The following EYS variants were observed in gnomAD, a reference collection of about 807,000 sequenced individuals.
EYS encodes the protein EGF-like photoreceptor maintenance factor, also known as protein eyes shut homolog.
In EYS, 250 loss-of-function variants were observed where a neutral mutation model predicts 282.1. That is an observed-to-expected ratio of 0.89 (90% CI 0.80 to 0.98). The LOEUF (loss-of-function observed/expected upper bound fraction) is 0.98, where lower values mean the gene tolerates loss of function less well. Ranked by LOEUF, EYS falls within the 50% of genes least tolerant of loss-of-function variation. The probability of loss-of-function intolerance (pLI) is 0.00; values close to 1 mark genes in which losing one functional copy is unlikely to be tolerated. For synonymous variants in EYS, 1,355 were observed against 1,282.9 expected (o/e 1.06, Z -1.20); for missense variants, 4,016 against 3,709.0 (o/e 1.08, Z -2.15).
chr6:64,739,982 A>G (rs988127444), intron 22 of EYS, among the ~76,000 whole-genome samples: 9 of 152,082 alleles, frequency 5.9e-5, no homozygotes, highest in Non-Finnish European at 2.9e-5. Context: ...AATATAAGAA[A>G]CTCTTAGAAC....
chr6:64,593,066 C>A, intron 25 of EYS, 51 bp downstream of exon 25: 2 of 1,336,320 alleles, frequency 1.5e-6, no homozygotes, highest in Non-Finnish European at 9.9e-7. Flanking sequence ...GCTTTTACCA[C>A]ACAACTTTTT....
At chr6:65,049,907 T>C (rs969623790) in intron 13 of EYS, among the ~76,000 whole-genome samples, 2 of 151,656 alleles carry the variant, frequency 1.3e-5, no homozygotes, top group African/African-American at 4.8e-5. Context: ...GATAAAACCA[T>C]ATAATATGTT....
chr6:64,646,791 C>G (rs1185327978), intron 22 of EYS, among the ~76,000 whole-genome samples: 1 of 147,928 alleles, frequency 6.8e-6, no homozygotes, highest in African/African-American at 2.5e-5. Flanking sequence ...GGCGACAGAG[C>G]GAGACTCCAG....
At chr6:64,151,833 C>G (rs756156809) in intron 31 of EYS, among the ~76,000 whole-genome samples, 4 of 152,034 alleles carry the variant, frequency 2.6e-5, no homozygotes, top group Non-Finnish European at 5.9e-5. Flanking sequence ...TATATATTGT[C>G]TTATTTGAAT....
At chr6:65,261,292 A>AAT (rs1305305110) in intron 12 of EYS, among the ~76,000 whole-genome samples, 3 of 151,870 alleles carry the variant, frequency 2.0e-5, no homozygotes, top group South Asian at 4.2e-4. Flanking sequence ...CATTCACATG[A>AAT]ATATATATAT....
chr6:65,291,476 T>A (rs1768524003), intron 12 of EYS, among the ~76,000 whole-genome samples: 3 of 151,534 alleles, frequency 2.0e-5, no homozygotes. Context: ...CCATAAAAAG[T>A]GAGGTTGTAT....
rs946422908 is a variant in EYS at position 64,533,064 on chromosome 6, T to A, written c.5644+57159A>T. ...AGACAAGCTAGAAACTTAAAACAAT[T>A]CATATTAGAAATGAAGAATGTATTT... On this transcript the variant is annotated intron_variant, in intron 26 of 42. Transcript: ENST00000503581. Among the ~76,000 whole-genome samples, 3 of 152,178 alleles carry A rather than the reference T, an allele frequency of 2.0e-5. No individual in the cohort carries two copies. In the East Asian group the frequency reaches 5.8e-4, roughly 29 times the overall value.
chr6:64,319,026 T>C (rs1181692803), intron 29 of EYS, among the ~76,000 whole-genome samples: 1 of 151,948 alleles, frequency 6.6e-6, no homozygotes, highest in African/African-American at 2.4e-5. Flanking sequence ...TCTAATTATA[T>C]TTTTGTGCGT....
At position 64,945,837 on chromosome 6, in the gene EYS, A is replaced by G. The variant is rs1240951764; in HGVS notation, c.2337T>C (p.Pro779=). 7 of 1,549,950 alleles carry G rather than the reference A, an allele frequency of 4.5e-6. No individual in the cohort carries two copies. Among genetic ancestry groups the G allele is most frequent in the Non-Finnish European group, 5.2e-6 (6 of 1,145,934 alleles). ...EQESNECKMN[P]CKNNSTCTDL... is the part of the protein sequence containing the mutation. ...CAGTACAGGTGGAATTGTTCTTGCA[A>G]GGATTCATTTTACACTCATTGGATT... Residue 779 remains proline (P), a synonymous_variant, in exon 15 of 43, where the codon CCT becomes CCC. Coordinates refer to ENST00000503581, the MANE Select transcript of EYS (RefSeq NM_001142800.2).
intron 22 of EYS, among the ~76,000 whole-genome samples, chr6:64,690,831 G>T (rs1332494108): frequency 6.6e-6 from 1 of 152,012 alleles, no homozygotes; most frequent in Non-Finnish European, 1.5e-5. Context: ...GCCTGTCCTG[G>T]GGTGGGGGGA....
At chr6:65,204,384 A>T (rs1765975271) in intron 12 of EYS, among the ~76,000 whole-genome samples, 1 of 150,618 alleles carries the variant, frequency 6.6e-6, no homozygotes, top group African/African-American at 2.5e-5. Flanking sequence ...CCAGAGATTG[A>T]GGCCCTATTT....
intron 5 of EYS, among the ~76,000 whole-genome samples, chr6:65,471,124 A>G (rs1331698531): frequency 1.3e-5 from 2 of 151,684 alleles, no homozygotes; most frequent in African/African-American, 4.8e-5. Flanking sequence ...GTGACAGAGC[A>G]CGACGCCGTC....
chr6:64,609,983 T>A (rs1433733011), intron 24 of EYS, among the ~76,000 whole-genome samples: 6 of 151,908 alleles, frequency 3.9e-5, no homozygotes, highest in African/African-American at 4.8e-5. Flanking sequence ...TAGTTATCTA[T>A]CTTAAAAATA....
At chr6:64,073,426 C>CCCTA (rs1771659490) in intron 32 of EYS, among the ~76,000 whole-genome samples, 1 of 151,570 alleles carries the variant, frequency 6.6e-6, no homozygotes, top group Non-Finnish European at 1.5e-5. Flanking sequence ...TATCATGTAA[C>CCCTA]CCTAGGATTC....
intron 22 of EYS, among the ~76,000 whole-genome samples, chr6:64,723,138 T>A (rs1455008409): frequency 6.7e-6 from 1 of 150,012 alleles, no homozygotes; most frequent in African/African-American, 2.5e-5. Context: ...ATGGGCAGAG[T>A]GGACACATCG....
intron 2 of EYS, among the ~76,000 whole-genome samples, chr6:65,518,135 A>T (rs1767212126): frequency 6.6e-6 from 1 of 152,096 alleles, no homozygotes; most frequent in South Asian, 2.1e-4. Flanking sequence ...TAATATTCCC[A>T]ACGTCTTACA....
At chr6:64,930,174 A>T (rs1322066362) in intron 15 of EYS, among the ~76,000 whole-genome samples, 1 of 152,154 alleles carries the variant, frequency 6.6e-6, no homozygotes, top group Non-Finnish European at 1.5e-5. Flanking sequence ...ACATGCACAC[A>T]TATATACAGA....
chr6:64,844,227 T>A (rs1765652024), intron 19 of EYS, among the ~76,000 whole-genome samples: 1 of 152,138 alleles, frequency 6.6e-6, no homozygotes, highest in Non-Finnish European at 1.5e-5. Context: ...GTATTTTAGA[T>A]TAGTATAAAG....
chr6:64,830,341 G>T (rs905742845), intron 19 of EYS, among the ~76,000 whole-genome samples: 2 of 151,968 alleles, frequency 1.3e-5, no homozygotes, highest in African/African-American at 4.8e-5. Context: ...AGATACAAGG[G>T]TAAGTGATGC....
Sources: gnomAD v4.1 joint callset for allele counts (sites outside exome capture counted in the v4.1 genomes callset) on GRCh38, gnomAD v4.1.1 for gene constraint, MANE v1.5 for transcripts, NCBI Gene and HGNC (gene_info 2026-07-23, HGNC 2026-07-21) for gene names.